DLGAP4: variants seen among roughly 807,000 people sequenced by gnomAD.
DLGAP4 encodes DLG associated protein 4, also known as disks large-associated protein 4.
A neutral mutation model predicts 86.9 loss-of-function variants in DLGAP4; 18 were observed. The observed-to-expected ratio is 0.21, with a 90% CI of 0.14 to 0.31. The LOEUF is 0.31. Ranked by LOEUF, DLGAP4 falls within the 10% of genes least tolerant of loss-of-function variation. The pLI is 1.00. For synonymous variants in DLGAP4, 548 were observed against 574.3 expected (o/e 0.95, Z 0.65); for missense variants, 1,085 against 1,362.6 (o/e 0.80, Z 3.21).
At chr20:36,470,558 A>G (rs991520021) in intron 7 of DLGAP4, among the ~76,000 whole-genome samples, 3 of 152,046 alleles carry the variant, frequency 2.0e-5, no homozygotes, top group Admixed American at 6.6e-5. Context: ...GTTGGTTTAA[A>G]AAAATTCAAA....
chr20:36,440,692 C>T lies in DLGAP4; in HGVS notation c.1356+824C>T, dbSNP rs551357380. 7.2e-5 allele frequency among the ~76,000 whole-genome samples: 11 copies of T among 152,204 alleles called. No individual in the cohort carries two copies. The East Asian group carries it at 9.7e-4, about 13-fold the overall frequency. Reference sequence around the variant, plus strand: ...CCCAGACCTGGACCTCAGCTCCTGCCGTGTACTCGGCACTTTAGGGTTTGC... The same window carrying T: ...CCCAGACCTGGACCTCAGCTCCTGCTGTGTACTCGGCACTTTAGGGTTTGC... On this transcript the variant is annotated intron_variant, in intron 5 of 12. Coordinates refer to ENST00000339266, the MANE Select transcript of DLGAP4 (RefSeq NM_001365621.2).
At chr20:36,425,703 C>A (rs1169569393) in intron 2 of DLGAP4, among the ~76,000 whole-genome samples, 1 of 147,398 alleles carries the variant, frequency 6.8e-6, no homozygotes, top group East Asian at 2.0e-4. Context: ...CACCTGTAAT[C>A]CCAGCTACTC....
intron 2 of DLGAP4, among the ~76,000 whole-genome samples, chr20:36,404,783 A>ATGAATGAC (rs2032266242): frequency 6.7e-6 from 1 of 150,124 alleles, no homozygotes; most frequent in African/African-American, 2.5e-5. Context: ...GAATGAATGA[A>ATGAATGAC]TGAAGCAGAG....
intron 7 of DLGAP4, among the ~76,000 whole-genome samples, chr20:36,455,404 G>C (rs1456930516): frequency 1.3e-5 from 2 of 152,164 alleles, no homozygotes; most frequent in Non-Finnish European, 1.5e-5. Context: ...CAGGCAAGGT[G>C]GTGGGCTGCA....
chr20:36,500,594 A>G lies in DLGAP4; in HGVS notation c.2495A>G (p.Asn832Ser). The G allele has an allele frequency of 6.7e-7, 1 of 1,500,724 alleles. No individual in the cohort carries two copies. Among genetic ancestry groups the G allele is most frequent in the Non-Finnish European group, 8.9e-7 (1 of 1,125,052 alleles). 93.0% of individuals were successfully genotyped at this position (1,500,724 alleles called of 1,614,324 possible). The change falls in exon 10 of 13, where the codon AAC becomes AGC. Residue 832 changes from asparagine to serine, a missense_variant. Around this residue, in one of 2 missense-constraint regions of DLGAP4, gnomAD observed 1,082 missense variants for 1,344.1 expected, o/e 0.81. Transcript: ENST00000339266. The surrounding 1 kb of genome is among the most constrained non-coding windows in gnomAD (Gnocchi z 4.6). ...CAGATGGACAAGGAGACCAAAGAGA[A>G]CAACCTCTCTGAAGAAGGTGGGTGC... is the stretch of plus-strand genomic sequence containing the variant. ...CCQMDKETKE[N>S]NLSEEVLGKV...
chr20:36,409,034 C>CTTTT (rs35210861), intron 2 of DLGAP4, among the ~76,000 whole-genome samples: 61 of 111,162 alleles, frequency 5.5e-4, no homozygotes, highest in Admixed American at 1.1e-3. Flanking sequence ...AAATAAAAGG[C>CTTTT]TTTTTTTTTT....
At chr20:36,407,961 C>A (rs1418296296) in intron 2 of DLGAP4, among the ~76,000 whole-genome samples, 1 of 152,104 alleles carries the variant, frequency 6.6e-6, no homozygotes, top group South Asian at 2.1e-4. Context: ...AGAGCATGGT[C>A]TCTGGACTTA....
At chr20:36,387,503 G>T (rs1424708769) in intron 2 of DLGAP4, among the ~76,000 whole-genome samples, 4 of 152,108 alleles carry the variant, frequency 2.6e-5, no homozygotes, top group Non-Finnish European at 4.4e-5. Flanking sequence ...AACTTTGGGG[G>T]TAGTAAAATT....
At chr20:36,370,604 G>A (rs1232393811) in intron 2 of DLGAP4, among the ~76,000 whole-genome samples, 1 of 151,982 alleles carries the variant, frequency 6.6e-6, no homozygotes, top group African/African-American at 2.4e-5. Flanking sequence ...ATGGCTTGAG[G>A]CCAAGAGTTC....
At position 36,432,103 on chromosome 20, in the gene DLGAP4, C is replaced by G. The variant is rs751735851; in HGVS notation, c.386C>G (p.Ala129Gly). The change falls in exon 3 of 13, where the codon GCC becomes GGC. Residue 129 changes from alanine to glycine, a missense_variant. Physicochemically the swap from Ala to Gly is moderately conservative, Grantham distance 60. Coordinates refer to ENST00000339266, the MANE Select transcript of DLGAP4 (RefSeq NM_001365621.2). This position sits in a 1 kb window ranked among gnomAD's most constrained non-coding sequence, Gnocchi z 6.5. Reference sequence around the variant, plus strand: ...ACCCTCCAATTTCCCCGTGGCGAGGCCAAGGCCCGTGGTGAGAGCCCTGGC... The same window carrying G: ...ACCCTCCAATTTCCCCGTGGCGAGGGCAAGGCCCGTGGTGAGAGCCCTGGC... Reference protein sequence around the residue: ...FSTLQFPRGEAKARGESPGRI... With the variant: ...FSTLQFPRGEGKARGESPGRI... 8 of 1,614,192 alleles carry G rather than the reference C, an allele frequency of 5.0e-6. No homozygotes were observed. Among genetic ancestry groups the G allele is most frequent in the Non-Finnish European group, 6.8e-6 (8 of 1,180,048 alleles).
chr20:36,343,549 C>T (rs942360132), intron 1 of DLGAP4, among the ~76,000 whole-genome samples: 13 of 152,100 alleles, frequency 8.5e-5, no homozygotes, highest in Admixed American at 5.9e-4. Context: ...CCTCATTTGC[C>T]CCTATTCCCA....
intron 11 of DLGAP4, 101 bp from the exon 12 acceptor site, chr20:36,525,750 G>T (rs2037714090): frequency 6.6e-7 from 1 of 1,526,040 alleles, no homozygotes; most frequent in East Asian, 2.3e-5. Flanking sequence ...AGCCCCCGCG[G>T]GTGCTGGCAG....
intron 1 of DLGAP4, among the ~76,000 whole-genome samples, chr20:36,334,824 C>T (rs1403118406): frequency 2.6e-5 from 4 of 151,988 alleles, no homozygotes; most frequent in East Asian, 3.9e-4. Context: ...GCTGGGTCGC[C>T]GGCACAGGGT....
chr20:36,452,716 G>A (rs908775684), intron 7 of DLGAP4, among the ~76,000 whole-genome samples: 1 of 151,432 alleles, frequency 6.6e-6, no homozygotes, highest in Non-Finnish European at 1.5e-5. Context: ...CATCATGTTC[G>A]CTACGCTGGT....
chr20:36,328,583 G>T (rs2065238726), intron 1 of DLGAP4, among the ~76,000 whole-genome samples: 1 of 151,894 alleles, frequency 6.6e-6, no homozygotes, highest in Non-Finnish European at 1.5e-5. Context: ...CTTTTGTAGG[G>T]CAGGTTGGTA....
chr20:36,461,198 A>AGCCCCCCC (rs2034023221), intron 7 of DLGAP4: 1 of 150,990 alleles, frequency 6.6e-6, no homozygotes. Flanking sequence ...AGGGGCGGCG[A>AGCCCCCCC]CCCCACCCCC....
At position 36,500,759 on chromosome 20, in the gene DLGAP4, C is replaced by T. The variant is rs1260493914; in HGVS notation, c.2512+148C>T. On this transcript the variant is annotated intron_variant, in intron 10 of 12. Transcript: ENST00000339266. This position sits in a 1 kb window ranked among gnomAD's most constrained non-coding sequence, Gnocchi z 4.6. ...TTTTGAGCTCCCTTCTTACTTTCTT[C>T]GCATTCTTCCATCCATCCACCTATT... 7.0e-6 allele frequency: 5 copies of T among 709,750 alleles called. No homozygotes were observed. Among genetic ancestry groups the T allele is most frequent in the East Asian group, 3.4e-5 (1 of 29,542 alleles). The allele number at this position is 709,750 out of a possible 1,614,324, so 44.0% of individuals were successfully genotyped here. A position where few individuals can be genotyped will look rare whatever the true frequency, so the allele number is the denominator to read the frequency against.
At chr20:36,515,644 C>T (rs2036994193) in intron 10 of DLGAP4, among the ~76,000 whole-genome samples, 1 of 152,174 alleles carries the variant, frequency 6.6e-6, no homozygotes, top group Non-Finnish European at 1.5e-5. Flanking sequence ...AGGCTGGTCT[C>T]AAACTTCTAG....
intron 2 of DLGAP4, among the ~76,000 whole-genome samples, chr20:36,415,235 A>G (rs2032618584): frequency 1.3e-5 from 2 of 152,230 alleles, no homozygotes; most frequent in Admixed American, 1.3e-4. Flanking sequence ...ACTGCACTCC[A>G]ACCTGGGTGA....
Sources: allele counts gnomAD v4.1 joint callset (sites outside exome capture counted in the v4.1 genomes callset), GRCh38; gene constraint gnomAD v4.1.1; regional missense constraint gnomAD v4.1.1; non-coding constraint Gnocchi (gnomAD v3.1); transcripts MANE v1.5; gene names NCBI Gene and HGNC (gene_info 2026-07-23, HGNC 2026-07-21).